Variants in AGAP1 observed in about 807,000 individuals in gnomAD.
The protein encoded by AGAP1 is arf-GAP with GTPase, ANK repeat and PH domain-containing protein 1.
AGAP1 carries 29 observed loss-of-function variants against 105.3 expected under a neutral mutation model. The ratio of observed to expected loss-of-function variants is 0.28; its 90% CI spans 0.21 to 0.38. AGAP1 has a LOEUF of 0.38. Ranked by LOEUF, AGAP1 falls within the 10% of genes least tolerant of loss-of-function variation. The pLI, the probability that AGAP1 is intolerant of heterozygous loss-of-function variation, is 1.00. For missense variants in AGAP1, 998 were observed against 1,165.1 expected (o/e 0.86, Z 2.09); for synonymous variants, 509 against 485.9 (o/e 1.05, Z -0.63).
chr2:235,731,284 C>T (rs1951933012), intron 3 of AGAP1, among the ~76,000 whole-genome samples: 1 of 152,102 alleles, frequency 6.6e-6, no homozygotes, highest in Non-Finnish European at 1.5e-5. Flanking sequence ...GATGCGTTCC[C>T]CTTTGTTATT....
In AGAP1 at chr2:235,867,828, A is replaced by C. The variant is rs1189347922; in HGVS notation, c.1051-15517A>C. On this transcript the variant is annotated intron_variant, in intron 9 of 17. Coordinates refer to ENST00000304032, the MANE Select transcript of AGAP1 (RefSeq NM_001037131.3). The surrounding 1 kb of genome is among the most constrained non-coding windows in gnomAD (Gnocchi z 5.4). ...GGGGGAAGAATAGGTCACAGCTTGT[A>C]TGACCCGTGTGCTTCTCCAGTTTCC... 6.6e-6 allele frequency among the ~76,000 whole-genome samples: 1 copy of C among 152,124 alleles called. No homozygotes were observed. Among genetic ancestry groups the C allele is most frequent in the Non-Finnish European group, 1.5e-5 (1 of 68,028 alleles).
At chr2:236,059,292 A>G (rs577029260) in intron 16 of AGAP1, among the ~76,000 whole-genome samples, 227 of 152,350 alleles carry the variant, frequency 1.5e-3, no homozygotes, top group African/African-American at 5.3e-3. Flanking sequence ...TTACCTGTAC[A>G]CTGAAAACTA....
chr2:235,748,596 T>C (rs1332540045), intron 5 of AGAP1, among the ~76,000 whole-genome samples: 1 of 152,186 alleles, frequency 6.6e-6, no homozygotes, highest in Non-Finnish European at 1.5e-5. Flanking sequence ...CAGAGTTCAC[T>C]TGCCTTCCAG....
intron 11 of AGAP1, among the ~76,000 whole-genome samples, chr2:235,929,321 C>T (rs1410079129): frequency 1.3e-5 from 2 of 152,028 alleles, no homozygotes; most frequent in Non-Finnish European, 2.9e-5. Flanking sequence ...TTCTCGAATG[C>T]CTCTTGGCGA....
chr2:235,542,848 C>T lies in AGAP1; in HGVS notation c.163+47999C>T, dbSNP rs188875229. ...GCACTGCTCCCTGTGTTTCTCAGAC[C>T]GAGGCCCCTCCTGTAAAAGGCTCTG... On this transcript the variant is annotated intron_variant, in intron 1 of 17. Transcript: ENST00000304032. Among the ~76,000 whole-genome samples the T allele has an allele frequency of 1.4e-3, 220 of 152,286 alleles. 1 individual carries two copies. The highest frequency in any genetic ancestry group is 4.9e-3 in the African/African-American group (205 of 41,564).
At chr2:235,537,281 C>T (rs569037611) in intron 1 of AGAP1, among the ~76,000 whole-genome samples, 7 of 152,202 alleles carry the variant, frequency 4.6e-5, no homozygotes, top group South Asian at 4.1e-4. Context: ...AGGTGGCATC[C>T]GCTGCAGGCC....
rs948507219 is a variant in AGAP1 at position 235,958,958 on chromosome 2, G to C, written c.1484-9504G>C. Among the ~76,000 whole-genome samples the C allele has an allele frequency of 6.6e-6, 1 of 152,230 alleles. No homozygotes were observed. Among genetic ancestry groups the C allele is most frequent in the Non-Finnish European group, 1.5e-5 (1 of 68,040 alleles). On this transcript the variant is annotated intron_variant, in intron 12 of 17. Coordinates refer to ENST00000304032, the MANE Select transcript of AGAP1 (RefSeq NM_001037131.3). This position sits in a 1 kb window ranked among gnomAD's most constrained non-coding sequence, Gnocchi z 4.1. ...GTATTATATATTTTTTGGGGTGTGC[G>C]TTGAACATTGATGCCCGATTGGGAA...
chr2:235,581,134 CAAAAAAAAA>C (rs60330965), intron 1 of AGAP1, among the ~76,000 whole-genome samples: 17 of 88,234 alleles, frequency 1.9e-4, no homozygotes, highest in Admixed American at 3.7e-4. Flanking sequence ...CCATCTCAAG[CAAAAAAAAA>C]AAAAAAAAAA....
At position 236,020,820 on chromosome 2, in the gene AGAP1, C is replaced by T. The variant is rs1019599641; in HGVS notation, c.1646-15741C>T. Among the ~76,000 whole-genome samples, 1 of 152,160 alleles carries T rather than the reference C, an allele frequency of 6.6e-6. No individual in the cohort carries two copies. The highest frequency in any genetic ancestry group is 1.5e-5 in the Non-Finnish European group (1 of 68,042). On this transcript the variant is annotated intron_variant, in intron 13 of 17. Transcript: ENST00000304032. This position sits in a 1 kb window ranked among gnomAD's most constrained non-coding sequence, Gnocchi z 5.0. The stretch of plus-strand genomic sequence containing the variant: ...GCCTTTTTAATGTATCGGTACAGAG[C>T]AGAGCTGGCCAAAGCCACCCCTCCT...
chr2:235,871,177 C>A (rs1407564331), intron 9 of AGAP1, among the ~76,000 whole-genome samples: 1 of 152,210 alleles, frequency 6.6e-6, no homozygotes, highest in Non-Finnish European at 1.5e-5. Flanking sequence ...GATGCCAGTT[C>A]TTACTCAAGG....
rs1306080292 is a variant in AGAP1, at chr2:235,982,490, G to C, written c.1645+13867G>C. 6.6e-6 allele frequency among the ~76,000 whole-genome samples: 1 copy of C among 152,176 alleles called. No homozygotes were observed. Among genetic ancestry groups the C allele is most frequent in the Non-Finnish European group, 1.5e-5 (1 of 68,024 alleles). Reference sequence around the variant, plus strand: ...GAGGCACTGCTGTTGTGGGGTGTTGGTTTGAAGAACTCATAAATGGTAAAA... The same window carrying C: ...GAGGCACTGCTGTTGTGGGGTGTTGCTTTGAAGAACTCATAAATGGTAAAA... On this transcript the variant is annotated intron_variant, in intron 13 of 17. Coordinates refer to ENST00000304032, the MANE Select transcript of AGAP1 (RefSeq NM_001037131.3). This position sits in a 1 kb window ranked among gnomAD's most constrained non-coding sequence, Gnocchi z 4.9.
intron 3 of AGAP1, among the ~76,000 whole-genome samples, chr2:235,731,524 G>C (rs986124522): frequency 1.3e-5 from 2 of 152,190 alleles, no homozygotes; most frequent in Non-Finnish European, 2.9e-5. Context: ...AAGAGGCCTG[G>C]CTTTCCTGTG....
In AGAP1 at chr2:235,845,888, G is replaced by C. The variant is rs1298084108; in HGVS notation, c.1051-37457G>C. 6.6e-6 allele frequency among the ~76,000 whole-genome samples: 1 copy of C among 151,930 alleles called. No individual in the cohort carries two copies. The highest frequency in any genetic ancestry group is 2.4e-5 in the African/African-American group (1 of 41,328). On this transcript the variant is annotated intron_variant, in intron 9 of 17. Coordinates refer to ENST00000304032, the MANE Select transcript of AGAP1 (RefSeq NM_001037131.3). This position sits in a 1 kb window ranked among gnomAD's most constrained non-coding sequence, Gnocchi z 4.8. ...ACTGGTTTCCAACCTTCAGTCTGTA[G>C]CCCTCAGATATGCCCTCCTTCCTGC...
At chr2:235,666,019 A>T (rs1374627115) in intron 1 of AGAP1, among the ~76,000 whole-genome samples, 1 of 152,256 alleles carries the variant, frequency 6.6e-6, no homozygotes, top group Non-Finnish European at 1.5e-5. Flanking sequence ...TGGCCAAAGC[A>T]TCTCATAAAC....
intron 16 of AGAP1, among the ~76,000 whole-genome samples, chr2:236,116,499 G>T (rs984733170): frequency 1.3e-5 from 2 of 151,724 alleles, no homozygotes; most frequent in African/African-American, 4.8e-5. Context: ...ACAGGCACCT[G>T]CCACCACACC....
Position 235,799,631 on chromosome 2 carries a change from T to A in AGAP1, c.957+109T>A. The A allele has an allele frequency of 8.2e-7, 1 of 1,215,560 alleles. No individual in the cohort carries two copies. Among genetic ancestry groups the A allele is most frequent in the Non-Finnish European group, 1.1e-6 (1 of 876,808 alleles). 75.3% of individuals were successfully genotyped at this position (1,215,560 alleles called of 1,614,324 possible). The stretch of plus-strand genomic sequence containing the variant: ...GGTATTTGTAGAATCTCAACTATAT[T>A]AAAGTGAATAACATTGATTTCTGTG... On this transcript the variant is annotated intron_variant, in intron 8 of 17. Coordinates refer to ENST00000304032, the MANE Select transcript of AGAP1 (RefSeq NM_001037131.3). The surrounding 1 kb of genome is among the most constrained non-coding windows in gnomAD (Gnocchi z 5.0).
chr2:235,626,559 G>A (rs1946644507), intron 1 of AGAP1, among the ~76,000 whole-genome samples: 1 of 152,236 alleles, frequency 6.6e-6, no homozygotes, highest in Non-Finnish European at 1.5e-5. Flanking sequence ...GGCAGTGACA[G>A]TGGATTTTAT....
rs150527516 is a variant in AGAP1, at chr2:235,512,607, A to G, written c.163+17758A>G. On this transcript the variant is annotated intron_variant, in intron 1 of 17. Coordinates refer to ENST00000304032, the MANE Select transcript of AGAP1 (RefSeq NM_001037131.3). ...AGACCCTATCATTAAAAATCAGTCAATCAATCAATCAGTCAATCCATGCGC... is the reference window on the plus strand; with the variant it reads ...AGACCCTATCATTAAAAATCAGTCAGTCAATCAATCAGTCAATCCATGCGC... 6.3e-3 allele frequency among the ~76,000 whole-genome samples: 963 copies of G among 152,148 alleles called. 26 individuals are homozygous for G. Among genetic ancestry groups the G allele is most frequent in the Admixed American group, 0.053 (814 of 15,270 alleles).
intron 1 of AGAP1, among the ~76,000 whole-genome samples, chr2:235,666,608 C>T (rs1012441487): frequency 2.0e-5 from 3 of 151,332 alleles, no homozygotes; most frequent in Non-Finnish European, 4.4e-5. Context: ...AAGAGGTTCC[C>T]TGGAAGAGTC....
Sources: allele counts gnomAD v4.1 joint callset (sites outside exome capture counted in the v4.1 genomes callset), GRCh38; gene constraint gnomAD v4.1.1; non-coding constraint Gnocchi (gnomAD v3.1); transcripts MANE v1.5; gene names NCBI Gene and HGNC (gene_info 2026-07-23, HGNC 2026-07-21).